Variants in TRRAP observed in about 807,000 individuals in gnomAD.
TRRAP encodes the protein transformation/transcription domain-associated protein.
In TRRAP, 41 loss-of-function variants were observed where a neutral mutation model predicts 438.8. That is an observed-to-expected ratio of 0.09 (90% CI 0.07 to 0.12). The LOEUF (loss-of-function observed/expected upper bound fraction) is 0.12. Ranked by LOEUF, TRRAP falls within the 10% of genes least tolerant of loss-of-function variation. TRRAP has a pLI of 1.00. For synonymous variants in TRRAP, 1,994 were observed against 1,962.9 expected (o/e 1.02, Z -0.42); for missense variants, 3,122 against 5,055.1 (o/e 0.62, Z 11.60).
intron 28 of TRRAP, 58 bp downstream of exon 28, chr7:98,935,733 C>A: frequency 7.3e-7 from 1 of 1,377,914 alleles, no homozygotes; most frequent in Admixed American, 2.4e-5. Context: ...CACAGGAGGT[C>A]TATAGAAAAA....
intron 35 of TRRAP, 48 bp from the exon 36 acceptor site, chr7:98,949,369 G>A: frequency 1.4e-6 from 2 of 1,443,560 alleles, no homozygotes; most frequent in South Asian, 1.7e-5. Flanking sequence ...CTAACTTTCT[G>A]TGAGTTTGAT....
chr7:98,976,854 C>A lies in TRRAP; in HGVS notation c.8247+84C>A. ...AATAAATACTCCTCCCAAATGATTT[C>A]AAATGACAGCACAGTGAAACTATTT... On this transcript the variant is annotated intron_variant, in intron 55 of 72. Coordinates refer to ENST00000456197, the MANE Select transcript of TRRAP (RefSeq NM_001375524.1). This position sits in a 1 kb window ranked among gnomAD's most constrained non-coding sequence, Gnocchi z 4.6. 1 of 1,600,420 alleles carries A rather than the reference C, an allele frequency of 6.2e-7. No individual in the cohort carries two copies. Among genetic ancestry groups the A allele is most frequent in the South Asian group, 1.1e-5 (1 of 89,928 alleles).
At chr7:98,971,032 C>T (rs886467229) in intron 52 of TRRAP, among the ~76,000 whole-genome samples, 2 of 152,276 alleles carry the variant, frequency 1.3e-5, no homozygotes, top group Middle Eastern at 3.4e-3. Context: ...TGGAGCGTTG[C>T]GTCTTAGGAG....
chr7:98,967,913 A>G (rs1439990688), intron 51 of TRRAP, among the ~76,000 whole-genome samples: 1 of 152,226 alleles, frequency 6.6e-6, no homozygotes, highest in Non-Finnish European at 1.5e-5. Flanking sequence ...AGAAAGTTGA[A>G]TAGTATATTT....
intron 18 of TRRAP, among the ~76,000 whole-genome samples, chr7:98,914,084 G>A (rs1789407523): frequency 6.6e-6 from 1 of 152,144 alleles, no homozygotes. Context: ...CTTAACTTTT[G>A]TGTTAATATA....
intron 30 of TRRAP, among the ~76,000 whole-genome samples, chr7:98,940,669 GCT>G (rs1790759239): frequency 6.6e-6 from 1 of 152,128 alleles, no homozygotes; most frequent in Non-Finnish European, 1.5e-5. Context: ...TCCCTTTTCT[GCT>G]CTCTGAGTGG....
intron 4 of TRRAP, 141 bp from the exon 5 acceptor site, chr7:98,892,283 A>C (rs546176082): frequency 1.4e-6 from 1 of 690,356 alleles, no homozygotes; most frequent in East Asian, 2.7e-5. Flanking sequence ...TGCTTGAAAA[A>C]CTGGGTCCAT....
At position 98,990,460 on chromosome 7, in the gene TRRAP, G is replaced by A. The variant is rs746727506; in HGVS notation, c.9597G>A (p.Leu3199=). ...SKSRKYLAKV[L]WLLSFDDDKN... ...AATTTCTCCTTCTGTCTCAGGTGCT[G>A]TGGCTTTTGAGTTTTGATGATGACA... The change falls in exon 64 of 73, where the codon CTG becomes CTA. Residue 3199 remains leucine, a synonymous_variant. Coordinates refer to ENST00000456197, the MANE Select transcript of TRRAP (RefSeq NM_001375524.1). The A allele has an allele frequency of 2.0e-5, 32 of 1,612,564 alleles. No homozygotes were observed. The East Asian group carries it at 4.5e-4, about 22-fold the overall frequency.
rs368413579 is a variant in TRRAP at position 98,973,877 on chromosome 7, G to A, written c.7839+1932G>A. Among the ~76,000 whole-genome samples the A allele has an allele frequency of 6.2e-4, 95 of 152,318 alleles. 3 individuals carry two copies. In the East Asian group the frequency reaches 7.7e-3, roughly 12 times the overall value. On this transcript the variant is annotated intron_variant, in intron 53 of 72. Coordinates refer to ENST00000456197, the MANE Select transcript of TRRAP (RefSeq NM_001375524.1). ...GGGCCGCTCTGGCAGACCTGTGCCCGCCTCTTAGCAGGGTGTGGTTCTCAG... is the reference window on the plus strand; with the variant it reads ...GGGCCGCTCTGGCAGACCTGTGCCCACCTCTTAGCAGGGTGTGGTTCTCAG...
chr7:98,886,118 C>G (rs781890218), intron 3 of TRRAP, among the ~76,000 whole-genome samples: 1 of 152,160 alleles, frequency 6.6e-6, no homozygotes, highest in South Asian at 2.1e-4. Flanking sequence ...AACTCTGTCT[C>G]TACTCCAAAT....
chr7:98,934,721 T>C (rs1348126053), intron 27 of TRRAP, among the ~76,000 whole-genome samples: 1 of 152,228 alleles, frequency 6.6e-6, no homozygotes, highest in Non-Finnish European at 1.5e-5. Flanking sequence ...TGTGTGGCTG[T>C]GTTGGGGTTT....
chr7:98,951,348 A>G (rs1282839500), intron 39 of TRRAP, among the ~76,000 whole-genome samples: 4 of 152,160 alleles, frequency 2.6e-5, no homozygotes, highest in Non-Finnish European at 4.4e-5. Flanking sequence ...TTCCATTTTC[A>G]TCTTCAGTTT....
At chr7:98,894,194 AAGCC>A (rs1796092909) in intron 6 of TRRAP, among the ~76,000 whole-genome samples, 3 of 152,232 alleles carry the variant, frequency 2.0e-5, no homozygotes. Context: ...GTGGGCTCTG[AAGCC>A]AGAGCCGGGT....
At chr7:98,974,954 T>C (rs1397598116) in intron 53 of TRRAP, among the ~76,000 whole-genome samples, 1 of 152,210 alleles carries the variant, frequency 6.6e-6, no homozygotes, top group East Asian at 1.9e-4. Context: ...TTGTGTCTTT[T>C]GGGATTCTGA....
Position 98,948,176 on chromosome 7 carries a change from G to A in TRRAP, c.4549-45G>A, listed in dbSNP as rs1212611965. ...GTAGTGACGTTGACCTCTGTCACTT[G>A]CAAAATTAATCGACCTGTTTATAAT... On this transcript the variant is annotated intron_variant, in intron 33 of 72. Transcript: ENST00000456197. This position sits in a 1 kb window ranked among gnomAD's most constrained non-coding sequence, Gnocchi z 4.9. 12 of 1,610,668 alleles carry A rather than the reference G, an allele frequency of 7.5e-6. No individual in the cohort carries two copies. The Admixed American group carries it at 2.0e-4, about 27-fold the overall frequency.
chr7:98,915,662 C>A (rs1366695977), intron 18 of TRRAP, 61 bp from the exon 19 acceptor site: 13 of 1,552,006 alleles, frequency 8.4e-6, no homozygotes, highest in African/African-American at 2.7e-5. Context: ...ACTTTAGAGT[C>A]TGGAGGGTAT....
intron 69 of TRRAP, among the ~76,000 whole-genome samples, chr7:99,006,778 A>G (rs1338056721): frequency 6.6e-6 from 1 of 152,248 alleles, no homozygotes; most frequent in Non-Finnish European, 1.5e-5. Flanking sequence ...CTTCATTGCA[A>G]CAAGATATCT....
At chr7:98,953,102 T>G in intron 39 of TRRAP, 65 bp from the exon 40 acceptor site, 1 of 1,568,122 alleles carries the variant, frequency 6.4e-7, no homozygotes, top group Non-Finnish European at 8.7e-7. Context: ...AAACCTGTCG[T>G]ATGACCCTCA....
chr7:99,012,457 C>A lies in TRRAP; in HGVS notation c.*102C>A, dbSNP rs981336794. On this transcript the variant is annotated 3_prime_UTR_variant, in exon 73 of 73. Transcript: ENST00000456197. The surrounding 1 kb of genome is among the most constrained non-coding windows in gnomAD (Gnocchi z 5.9). The stretch of plus-strand genomic sequence containing the variant: ...CCTCGTTCCTTATATTCACAGAAGC[C>A]CCATAGTTTCACTGGGTTGCGGTTA... 52 of 1,354,734 alleles carry A rather than the reference C, an allele frequency of 3.8e-5. No homozygotes were observed. The highest frequency in any genetic ancestry group is 4.8e-5 in the Non-Finnish European group (49 of 1,014,934). 83.9% of individuals were successfully genotyped at this position (1,354,734 alleles called of 1,614,324 possible). A position where few individuals can be genotyped will look rare whatever the true frequency, so the allele number is the denominator to read the frequency against.
Sources: allele counts gnomAD v4.1 joint callset (sites outside exome capture counted in the v4.1 genomes callset), GRCh38; gene constraint gnomAD v4.1.1; non-coding constraint Gnocchi (gnomAD v3.1); transcripts MANE v1.5; gene names NCBI Gene and HGNC (gene_info 2026-07-23, HGNC 2026-07-21).